AGRN: variants seen among roughly 807,000 people sequenced by gnomAD.
AGRN encodes agrin proteoglycan.
A neutral mutation model predicts 211.0 loss-of-function variants in AGRN; 106 were observed. The observed-to-expected ratio is 0.50, with a 90% CI of 0.43 to 0.59. The LOEUF (loss-of-function observed/expected upper bound fraction) is 0.59, where lower values mean the gene tolerates loss of function less well. Among genes scored for constraint, AGRN ranks in the 20% least tolerant of loss-of-function variants. The pLI, the probability that AGRN is intolerant of heterozygous loss-of-function variation, is 0.00. For synonymous variants in AGRN, 1,525 were observed against 1,332.5 expected (o/e 1.14, Z -3.15); for missense variants, 3,040 against 2,982.6 (o/e 1.02, Z -0.45).
At chr1:1,021,201 C>T (rs953432355) in intron 1 of AGRN, among the ~76,000 whole-genome samples, 1 of 152,232 alleles carries the variant, frequency 6.6e-6, no homozygotes, top group Admixed American at 6.5e-5. Context: ...GCTCCCCCGC[C>T]GGCCCAGTCT....
At chr1:1,023,818 C>A (rs1644462134) in intron 2 of AGRN, among the ~76,000 whole-genome samples, 1 of 152,084 alleles carries the variant, frequency 6.6e-6, no homozygotes, top group Non-Finnish European at 1.5e-5. Flanking sequence ...GGAGCGAGTG[C>A]CCAGGCGGAG....
chr1:1,054,613 A>G, intron 35 of AGRN, 62 bp downstream of exon 35: 1 of 1,536,804 alleles, frequency 6.5e-7, no homozygotes, highest in Non-Finnish European at 8.8e-7. Flanking sequence ...CGAGGGACAG[A>G]CTCCACCCCC....
rs372565629 is a variant in AGRN at position 1,050,784 on chromosome 1, C to T, written c.5200C>T (p.Arg1734Cys). 2.3e-5 allele frequency: 37 copies of T among 1,601,462 alleles called. No homozygotes were observed. In the Admixed American group the frequency reaches 3.9e-4, roughly 17 times the overall value. The change falls in exon 30 of 36, where the codon CGC becomes TGC. Residue 1734 changes from arginine (R) to cysteine (C), a missense_variant. By Grantham distance (180) the Arg-to-Cys change is radical (BLOSUM62 -3). Around this residue, in one of 3 missense-constraint regions of AGRN, gnomAD observed 1,537 missense variants for 1,505.0 expected, o/e 1.02. Transcript: ENST00000379370. ...WTRVSLERNGRKGALRVGDGP... is the reference protein window; with the variant it reads ...WTRVSLERNGCKGALRVGDGP... ...CAGGGTCTCACTGGAGCGAAACGGC[C>T]GCAAGGGTGCCCTGCGTGTGGGCGA...
Position 1,047,625 on chromosome 1 carries a change from G to C in AGRN, c.3569G>C (p.Arg1190Pro), listed in dbSNP as rs149762107. 1.2e-6 allele frequency: 2 copies of C among 1,612,948 alleles called. No homozygotes were observed. The highest frequency in any genetic ancestry group is 1.7e-5 in the Admixed American group (1 of 60,014). The change falls in exon 21 of 36, where the codon CGC becomes CCC. Residue 1190 changes from arginine to proline, a missense_variant. Arg to Pro is a moderately radical substitution (Grantham distance 103). Transcript: ENST00000379370. ...GTCAAGAAGGATTTTCGGAGTGTCC[G>C]CTTGCGGGACCTGGGGCCCGGCAAA... ...SDVKKDFRSV[R>P]LRDLGPGKSV...
At chr1:1,024,560 A>G (rs1644477955) in intron 2 of AGRN, among the ~76,000 whole-genome samples, 1 of 151,956 alleles carries the variant, frequency 6.6e-6, no homozygotes, top group Non-Finnish European at 1.5e-5. Flanking sequence ...TGGGAACCCC[A>G]TCCTGGAGAC....
chr1:1,034,791 CG>C, intron 2 of AGRN: 2 of 886,308 alleles, frequency 2.3e-6, no homozygotes, highest in South Asian at 8.4e-5. Context: ...GGCGGGTCCG[CG>C]GGGCTCCCGG....
rs915185971 is a variant in AGRN at position 1,041,322 on chromosome 1, C to G, written c.877C>G (p.Pro293Ala). Residue 293 changes from proline to alanine, a missense_variant, in exon 5 of 36, where the codon CCC (proline) becomes GCC (alanine). Transcript: ENST00000379370. ...CTGCGGCAGCGACGGCGCCGACTAC[C>G]CCGGCGAGTGCCAGCTCCTGCGCCG... The part of the protein sequence containing the change: ...TVCGSDGADY[P>A]GECQLLRRAC... 59 of 1,525,272 alleles carry G rather than the reference C, an allele frequency of 3.9e-5. No individual in the cohort carries two copies. The highest frequency in any genetic ancestry group is 5.2e-5 in the Non-Finnish European group (59 of 1,142,684). The allele number at this position is 1,525,272 out of a possible 1,614,324, so 94.5% of individuals were successfully genotyped here.
rs749209897 is a variant in AGRN, at chr1:1,040,744, CAAG to C, written c.596_598del (p.Lys199del). 1,411 of 1,544,474 alleles carry C rather than the reference CAAG, an allele frequency of 9.1e-4. 4 individuals are homozygous for C. The highest frequency in any genetic ancestry group is 1.2e-3 in the Non-Finnish European group (1,335 of 1,147,270). ...GGCCGGGCCGGGCGTCCTGCGTCTG[CAAG>C]AAGAGCCCGTGCCCCAGCGTGGTGG... is the stretch of plus-strand genomic sequence containing the variant. On this transcript the variant is annotated inframe_deletion, in exon 4 of 36. Coordinates refer to ENST00000379370, the MANE Select transcript of AGRN (RefSeq NM_198576.4).
chr1:1,029,626 A>ATGT, intron 2 of AGRN, among the ~76,000 whole-genome samples: 1 of 93,876 alleles, frequency 1.1e-5, no homozygotes, highest in African/African-American at 3.8e-5. Flanking sequence ...CTGTGAGATC[A>ATGT]GCATGTGTGT....
rs1156556211 is a variant in AGRN at position 1,031,588 on chromosome 1, C to T, written c.464-3689C>T. Among the ~76,000 whole-genome samples, 1 of 152,202 alleles carries T rather than the reference C, an allele frequency of 6.6e-6. No individual in the cohort carries two copies. The highest frequency in any genetic ancestry group is 2.4e-5 in the African/African-American group (1 of 41,436). Reference sequence around the variant, plus strand: ...CTGGCCCAGCCCAAGGGGCCCTAAGCCTCATTCCAGTGTCGGCCTGGGGCA... The same window carrying T: ...CTGGCCCAGCCCAAGGGGCCCTAAGTCTCATTCCAGTGTCGGCCTGGGGCA... On this transcript the variant is annotated intron_variant, in intron 2 of 35. Coordinates refer to ENST00000379370, the MANE Select transcript of AGRN (RefSeq NM_198576.4). The surrounding 1 kb of genome is among the most constrained non-coding windows in gnomAD (Gnocchi z 4.8).
In AGRN at chr1:1,043,942, G is replaced by C; in HGVS notation, c.1918G>C (p.Gly640Arg). The change falls in exon 10 of 36, where the codon GGC (glycine) becomes CGC (arginine). Residue 640 changes from glycine to arginine, a missense_variant. Physicochemically the swap from Gly to Arg is moderately radical, Grantham distance 125 (BLOSUM62 -2). This residue lies in a region of AGRN where 1,498 missense variants were observed against 1,457.8 expected (regional missense o/e 1.03). Transcript: ENST00000379370. ...PVCGSDGVTY[G>R]SACELREAAC... is the part of the protein sequence containing the mutation. ...GTGTGGCAGCGACGGTGTCACCTAC[G>C]GCAGTGCCTGCGAGCTACGGGAAGC... The C allele has an allele frequency of 6.2e-7, 1 of 1,607,668 alleles. No individual in the cohort carries two copies. Among genetic ancestry groups the C allele is most frequent in the Non-Finnish European group, 8.5e-7 (1 of 1,179,160 alleles).
At chr1:1,034,809 C>A in intron 2 of AGRN, 1 of 749,730 alleles carries the variant, frequency 1.3e-6, no homozygotes, top group Non-Finnish European at 1.7e-6. Context: ...CCGGCAGCTT[C>A]CCGGGGATGG....
rs965668220 is a variant in AGRN, at chr1:1,043,293, C to G, written c.1439C>G (p.Ala480Gly). Residue 480 changes from alanine (A) to glycine (G), a missense_variant, in exon 8 of 36, where the codon GCT (alanine) becomes GGT (glycine). Around this residue, in one of 3 missense-constraint regions of AGRN, gnomAD observed 1,498 missense variants for 1,457.8 expected, o/e 1.03. Transcript: ENST00000379370. Reference protein sequence around the residue: ...GVQCAFGATCAVKNGQAACEC... With the variant: ...GVQCAFGATCGVKNGQAACEC... Reference sequence around the variant, plus strand: ...CAGTGTGCATTTGGGGCGACGTGTGCTGTGAAGAACGGGCAGGCAGCGTGT... The same window carrying G: ...CAGTGTGCATTTGGGGCGACGTGTGGTGTGAAGAACGGGCAGGCAGCGTGT... 2 of 1,611,690 alleles carry G rather than the reference C, an allele frequency of 1.2e-6. No homozygotes were observed. The highest frequency in any genetic ancestry group is 2.7e-5 in the African/African-American group (2 of 74,928).
At chr1:1,040,927 A>G in intron 4 of AGRN, 47 bp downstream of exon 4, 6 of 1,213,852 alleles carry the variant, frequency 4.9e-6, no homozygotes, top group African/African-American at 1.9e-5. Flanking sequence ...GGCGGGGCCT[A>G]TGAGATGGAG....
intron 2 of AGRN, among the ~76,000 whole-genome samples, chr1:1,030,592 C>CTGAG (rs1644644696): frequency 3.9e-5 from 2 of 50,972 alleles, no homozygotes; most frequent in East Asian, 1.2e-3. Flanking sequence ...GTGCATGGTG[C>CTGAG]TGTGAGATCA....
rs1171722028 is a variant in AGRN at position 1,046,578 on chromosome 1, C to T, written c.3093C>T (p.Pro1031=). Reference sequence around the variant, plus strand: ...GACCTCGGACCACTGCCAGCGTCCCCAGGACCACCGTGTGGCCCGTGCTGA... The same window carrying T: ...GACCTCGGACCACTGCCAGCGTCCCTAGGACCACCGTGTGGCCCGTGCTGA... The part of the protein sequence containing the change: ...SSRPRTTASV[P]RTTVWPVLTV... The change falls in exon 18 of 36, where the codon CCC becomes CCT. Residue 1031 remains proline (P), a synonymous_variant. Transcript: ENST00000379370. The T allele has an allele frequency of 1.2e-6, 2 of 1,607,864 alleles. No individual in the cohort carries two copies. Among genetic ancestry groups the T allele is most frequent in the African/African-American group, 2.7e-5 (2 of 74,900 alleles).
chr1:1,053,847 G>A lies in AGRN; in HGVS notation c.5746G>A (p.Ala1916Thr), dbSNP rs779815061. Reference sequence around the variant, plus strand: ...CTGGAGTGGCAAGGCCACGGAGCGGGCAGACTATGTGGCACTGGCCATTGT... The same window carrying A: ...CTGGAGTGGCAAGGCCACGGAGCGGACAGACTATGTGGCACTGGCCATTGT... ...VLWSGKATERADYVALAIVDG... is the reference protein window; with the variant it reads ...VLWSGKATERTDYVALAIVDG... The change falls in exon 34 of 36, where the codon GCA (alanine) becomes ACA (threonine). Residue 1916 changes from alanine to threonine, a missense_variant. Ala to Thr is a moderately conservative substitution (Grantham distance 58). Transcript: ENST00000379370. The A allele has an allele frequency of 6.2e-7, 1 of 1,610,690 alleles. No homozygotes were observed. Among genetic ancestry groups the A allele is most frequent in the South Asian group, 1.1e-5 (1 of 90,442 alleles).
chr1:1,021,640 G>A (rs1431482005), intron 1 of AGRN, among the ~76,000 whole-genome samples: 2 of 152,252 alleles, frequency 1.3e-5, no homozygotes, highest in Non-Finnish European at 2.9e-5. Flanking sequence ...TGCCCTCAGG[G>A]CCCCAGGAGC....
intron 7 of AGRN, among the ~76,000 whole-genome samples, chr1:1,043,021 C>T (rs2100642539): frequency 6.6e-6 from 1 of 152,274 alleles, no homozygotes; most frequent in Non-Finnish European, 1.5e-5. Flanking sequence ...GCAGCCTCGC[C>T]CGCAGCCACC....
Sources: allele counts gnomAD v4.1 joint callset (sites outside exome capture counted in the v4.1 genomes callset), GRCh38; gene constraint gnomAD v4.1.1; regional missense constraint gnomAD v4.1.1; non-coding constraint Gnocchi (gnomAD v3.1); transcripts MANE v1.5; gene names NCBI Gene and HGNC (gene_info 2026-07-23, HGNC 2026-07-21).